Variants in SH3D19 observed in about 807,000 individuals in gnomAD.
SH3D19 encodes SH3 domain containing 19.
Under a neutral mutation model 112.1 loss-of-function variants are expected in SH3D19, and 58 were observed. The observed-to-expected ratio is 0.52, with a 90% CI of 0.42 to 0.64. The LOEUF (loss-of-function observed/expected upper bound fraction) is 0.64, where lower values mean the gene tolerates loss of function less well. SH3D19 is among the 30% of genes least tolerant of loss of function. SH3D19 has a pLI of 0.00. For synonymous variants in SH3D19, 391 were observed against 448.5 expected (o/e 0.87, Z 1.62); for missense variants, 1,090 against 1,263.4 (o/e 0.86, Z 2.08).
chr4:151,149,353 C>T (rs779383622), intron 10 of SH3D19, 147 bp downstream of exon 10: 1 of 577,570 alleles, frequency 1.7e-6, no homozygotes, highest in Non-Finnish European at 3.1e-6. Flanking sequence ...TAGGAGCAGA[C>T]AGTGGATTAG....
At chr4:151,285,750 C>T (rs1774686984) in intron 1 of SH3D19, among the ~76,000 whole-genome samples, 1 of 151,716 alleles carries the variant, frequency 6.6e-6, no homozygotes, top group Non-Finnish European at 1.5e-5. Context: ...GCCTGTAGTC[C>T]CAGCTACTTA....
At chr4:151,187,515 A>G (rs1048593620) in intron 2 of SH3D19, 52 bp from the exon 3 acceptor site, 12 of 1,121,326 alleles carry the variant, frequency 1.1e-5, no homozygotes, top group Middle Eastern at 3.3e-4. Context: ...TTTTGAAAAG[A>G]GCCATTCATA....
chr4:151,217,654 C>CA (rs1033666425), intron 2 of SH3D19, among the ~76,000 whole-genome samples: 57 of 147,960 alleles, frequency 3.9e-4, no homozygotes, highest in African/African-American at 9.9e-4. Flanking sequence ...TGAATGAAAA[C>CA]AAAAAAAAAA....
rs1183530108 is a variant in SH3D19, at chr4:151,325,284, C to G, written c.69G>C (p.Gln23His). 1 of 1,221,430 alleles carries G rather than the reference C, an allele frequency of 8.2e-7. No individual in the cohort carries two copies. The highest frequency in any genetic ancestry group is 1.0e-6 in the Non-Finnish European group (1 of 981,368). 75.7% of individuals were successfully genotyped at this position (1,221,430 alleles called of 1,614,324 possible). A position where few individuals can be genotyped will look rare whatever the true frequency, so the allele number is the denominator to read the frequency against. Residue 23 changes from glutamine to histidine, a missense_variant, in exon 1 of 20, where the codon CAG becomes CAC. Physicochemically the swap from Gln to His is conservative, Grantham distance 24. Coordinates refer to ENST00000604030, the MANE Select transcript of SH3D19 (RefSeq NM_001378122.1). ...AGAGCGCACGGCCCCGGGCGCGGCG[C>G]TGGCCACCAAGTTCGCGGCGCTCGC... ...ELRERRELGG[Q>H]RRARGRALSG...
At chr4:151,210,978 C>T (rs957180817) in intron 2 of SH3D19, among the ~76,000 whole-genome samples, 4 of 152,112 alleles carry the variant, frequency 2.6e-5, no homozygotes, top group Non-Finnish European at 5.9e-5. Flanking sequence ...GCTTAACCCC[C>T]ATCTCATCTC....
intron 9 of SH3D19, 124 bp from the exon 10 acceptor site, chr4:151,149,685 G>T: frequency 1.3e-6 from 1 of 756,474 alleles, no homozygotes; most frequent in Non-Finnish European, 2.2e-6. Context: ...ATAGAAAGTA[G>T]CTTAAAAGAG....
At chr4:151,170,519 A>T (rs1758866613) in intron 7 of SH3D19, 1 of 152,148 alleles carries the variant, frequency 6.6e-6, no homozygotes, top group Non-Finnish European at 1.5e-5. Flanking sequence ...AAAATTTTGA[A>T]TTTATCTAAT....
In SH3D19 at chr4:151,174,725, C is replaced by A; in HGVS notation, c.1479G>T (p.Leu493Phe). 6 of 1,516,372 alleles carry A rather than the reference C, an allele frequency of 4.0e-6. 1 individual carries two copies. The Middle Eastern group carries it at 1.1e-3, about 271-fold the overall frequency. The allele number at this position is 1,516,372 out of a possible 1,614,324, so 93.9% of individuals were successfully genotyped here. ...IDLISFDDDVLPTPSGNLAEE... is the reference protein window; with the variant it reads ...IDLISFDDDVFPTPSGNLAEE... ...CAGCCAGGTTCCCCGATGGGGTGGG[C>A]AAAACATCATCATCAAAGCTGATGA... The change falls in exon 7 of 20, where the codon TTG (leucine) becomes TTT (phenylalanine). Residue 493 changes from leucine (L) to phenylalanine (F), a missense_variant. Coordinates refer to ENST00000604030, the MANE Select transcript of SH3D19 (RefSeq NM_001378122.1).
intron 1 of SH3D19, among the ~76,000 whole-genome samples, chr4:151,273,632 G>A (rs900992737): frequency 1.4e-5 from 2 of 147,414 alleles, no homozygotes; most frequent in African/African-American, 5.0e-5. Flanking sequence ...AAAGACCTGG[G>A]ACAACCACAA....
At chr4:151,312,148 A>G (rs1294895678) in intron 1 of SH3D19, among the ~76,000 whole-genome samples, 1 of 152,200 alleles carries the variant, frequency 6.6e-6, no homozygotes, top group Non-Finnish European at 1.5e-5. Context: ...CATGTTGTAC[A>G]TCTTGAATAT....
At chr4:151,217,545 G>T (rs1394871833) in intron 2 of SH3D19, among the ~76,000 whole-genome samples, 1 of 152,040 alleles carries the variant, frequency 6.6e-6, no homozygotes, top group Non-Finnish European at 1.5e-5. Context: ...ATGGGCTCTA[G>T]AGAACTTGGA....
chr4:151,165,450 G>A (rs1301103098), intron 8 of SH3D19, 139 bp downstream of exon 8: 1 of 658,948 alleles, frequency 1.5e-6, no homozygotes, highest in Non-Finnish European at 2.5e-6. Context: ...GAAGAATTGT[G>A]AAAAAACAAT....
intron 14 of SH3D19, 26 bp downstream of exon 14, chr4:151,137,706 A>G (rs1313918649): frequency 1.3e-6 from 2 of 1,562,960 alleles, no homozygotes; most frequent in Non-Finnish European, 1.7e-6. Context: ...TATATGACCA[A>G]ATTAAAACAA....
At chr4:151,237,526 A>C (rs1207839035) in intron 1 of SH3D19, among the ~76,000 whole-genome samples, 1 of 85,590 alleles carries the variant, frequency 1.2e-5, no homozygotes, top group Admixed American at 1.4e-4. Flanking sequence ...TAGGTCAGAC[A>C]GGCCTTGTTT....
At chr4:151,275,544 G>C (rs1362108145) in intron 1 of SH3D19, among the ~76,000 whole-genome samples, 16 of 151,964 alleles carry the variant, frequency 1.1e-4, no homozygotes, top group Non-Finnish European at 5.9e-5. Context: ...TATTATTTGA[G>C]ACAGGTTCTT....
chr4:151,261,052 C>A (rs1403655076), intron 1 of SH3D19: 2 of 152,146 alleles, frequency 1.3e-5, no homozygotes, highest in Non-Finnish European at 1.5e-5. Flanking sequence ...CACACACACA[C>A]CCCTACACAC....
chr4:151,236,392 G>A (rs1354615223), intron 1 of SH3D19, among the ~76,000 whole-genome samples: 1 of 152,290 alleles, frequency 6.6e-6, no homozygotes, highest in Non-Finnish European at 1.5e-5. Flanking sequence ...CGGAGTGCCC[G>A]GGCTAGGTGC....
intron 8 of SH3D19, among the ~76,000 whole-genome samples, chr4:151,160,171 C>G (rs1756899517): frequency 6.6e-6 from 1 of 151,224 alleles, no homozygotes; most frequent in African/African-American, 2.4e-5. Context: ...ACTGTAAGCT[C>G]CGCCTCCTGA....
Position 151,174,743 on chromosome 4 carries a change from G to A in SH3D19, c.1461C>T (p.Ser487=). 3 of 1,527,508 alleles carry A rather than the reference G, an allele frequency of 2.0e-6. No homozygotes were observed. The highest frequency in any genetic ancestry group is 1.4e-5 in the African/African-American group (1 of 71,992). The allele number at this position is 1,527,508 out of a possible 1,614,324, so 94.6% of individuals were successfully genotyped here. A position where few individuals can be genotyped will look rare whatever the true frequency, so the allele number is the denominator to read the frequency against. Residue 487 remains serine (S), a synonymous_variant, in exon 7 of 20, where the codon AGC becomes AGT. Coordinates refer to ENST00000604030, the MANE Select transcript of SH3D19 (RefSeq NM_001378122.1). ...GGGTGGGCAAAACATCATCATCAAA[G>A]CTGATGAGATCGATGTCCACCAAGG... ...SKPLVDIDLI[S]FDDDVLPTPS...
Sources: allele counts gnomAD v4.1 joint callset (sites outside exome capture counted in the v4.1 genomes callset), GRCh38; gene constraint gnomAD v4.1.1; transcripts MANE v1.5; gene names NCBI Gene and HGNC (gene_info 2026-07-23, HGNC 2026-07-21).